Variants in AZIN2 observed in about 807,000 individuals in gnomAD.
AZIN2 encodes antizyme inhibitor 2, also known as ODC antizyme inhibitor-2.
In AZIN2, 28 loss-of-function variants were observed where a neutral mutation model predicts 47.8. The observed-to-expected ratio is 0.59, with a 90% CI of 0.43 to 0.80. The LOEUF is 0.80. Ranked by LOEUF, AZIN2 falls within the 30% of genes least tolerant of loss-of-function variation. The probability of loss-of-function intolerance (pLI) is 0.00; values close to 1 mark genes in which losing one functional copy is unlikely to be tolerated. For synonymous variants in AZIN2, 221 were observed against 239.4 expected (o/e 0.92, Z 0.71); for missense variants, 535 against 582.5 (o/e 0.92, Z 0.84).
At position 33,095,964 on chromosome 1, in the gene AZIN2, A is replaced by G. The variant is rs372762796; in HGVS notation, c.754-743A>G. Among the ~76,000 whole-genome samples, 42 of 152,174 alleles carry G rather than the reference A, an allele frequency of 2.8e-4. No homozygotes were observed. The South Asian group carries it at 4.2e-3, about 15-fold the overall frequency. On this transcript the variant is annotated intron_variant, in intron 8 of 11. Coordinates refer to ENST00000294517, the MANE Select transcript of AZIN2 (RefSeq NM_052998.4). Reference sequence around the variant, plus strand: ...GAGATTCTCGTGTCTCAGCCTCCCAAGTAGCTAGGATTACAGGTGCAAGCC... The same window carrying G: ...GAGATTCTCGTGTCTCAGCCTCCCAGGTAGCTAGGATTACAGGTGCAAGCC...
rs1644771511 is a variant in AZIN2 at position 33,120,505 on chromosome 1, T to A, written c.*323T>A. On this transcript the variant is annotated 3_prime_UTR_variant, in exon 12 of 12. Coordinates refer to ENST00000294517, the MANE Select transcript of AZIN2 (RefSeq NM_052998.4). ...CCTTTGTAAATATAATGCAAATAAATAAATATTTAGGTTTTTAAAAACTGC... is the reference window on the plus strand; with the variant it reads ...CCTTTGTAAATATAATGCAAATAAAAAAATATTTAGGTTTTTAAAAACTGC... 1 of 263,952 alleles carries A rather than the reference T, an allele frequency of 3.8e-6. No homozygotes were observed. The highest frequency in any genetic ancestry group is 9.7e-5 in the South Asian group (1 of 10,346). 16.4% of individuals were successfully genotyped at this position (263,952 alleles called of 1,614,324 possible).
In AZIN2 at chr1:33,101,789, T is replaced by C. The variant is rs747318210; in HGVS notation, c.1029+3610T>C. On this transcript the variant is annotated intron_variant, in intron 10 of 11. Coordinates refer to ENST00000294517, the MANE Select transcript of AZIN2 (RefSeq NM_052998.4). Reference sequence around the variant, plus strand: ...TTTTTTGCTTTATAAAAAGGTATTTTGATGCATGTAACCTGTTTGGGCTTT... The same window carrying C: ...TTTTTTGCTTTATAAAAAGGTATTTCGATGCATGTAACCTGTTTGGGCTTT... 87 of 760,194 alleles carry C rather than the reference T, an allele frequency of 1.1e-4. No individual in the cohort carries two copies. In the South Asian group the frequency reaches 1.2e-3, roughly 11 times the overall value. The allele number at this position is 760,194 out of a possible 1,614,324, so 47.1% of individuals were successfully genotyped here.
chr1:33,093,322 A>G lies in AZIN2; in HGVS notation c.493A>G (p.Ser165Gly). 1 of 1,614,074 alleles carries G rather than the reference A, an allele frequency of 6.2e-7. No homozygotes were observed. Among genetic ancestry groups the G allele is most frequent in the Non-Finnish European group, 8.5e-7 (1 of 1,179,974 alleles). The change falls in exon 7 of 12, where the codon AGC becomes GGC. Residue 165 changes from serine to glycine, a missense_variant. Physicochemically the swap from Ser to Gly is moderately conservative, Grantham distance 56. This residue lies in a region of AZIN2 where 409 missense variants were observed against 429.0 expected (regional missense o/e 0.95). Transcript: ENST00000294517. ...CIATDDSHSLSCLSLKFGVSL... is the reference protein window; with the variant it reads ...CIATDDSHSLGCLSLKFGVSL... Reference sequence around the variant, plus strand: ...TGCTACCGATGACTCCCACTCCCTGAGCTGCCTGAGCCTAAAGTTTGGAGT... The same window carrying G: ...TGCTACCGATGACTCCCACTCCCTGGGCTGCCTGAGCCTAAAGTTTGGAGT...
At chr1:33,133,563 A>G in the AZIN2 span, among the ~76,000 whole-genome samples, 1 of 152,212 alleles carries the variant, frequency 6.6e-6, no homozygotes, top group African/African-American at 2.4e-5. Flanking sequence ...TGAGGAGAGC[A>G]GGGCCGGGAT....
the AZIN2 span, among the ~76,000 whole-genome samples, chr1:33,130,598 C>T: frequency 1.3e-5 from 2 of 152,354 alleles, no homozygotes; most frequent in Admixed American, 6.5e-5. Context: ...CCAGCCAACA[C>T]CTGATTGCAG....
At chr1:33,127,188 A>G (rs1205295005), downstream of AZIN2, among the ~76,000 whole-genome samples, 2 of 152,386 alleles carry the variant, frequency 1.3e-5, no homozygotes, top group East Asian at 1.9e-4. Flanking sequence ...TCATCTGAGC[A>G]TATGAGACTC....
chr1:33,099,464 C>T (rs1240944760), intron 10 of AZIN2, among the ~76,000 whole-genome samples: 2 of 152,352 alleles, frequency 1.3e-5, no homozygotes, highest in African/African-American at 4.8e-5. Context: ...TCCTACTGCA[C>T]TGAGAAGGGA....
At chr1:33,147,720 G>A in the AZIN2 span, 38 of 1,609,550 alleles carry the variant, frequency 2.4e-5, no homozygotes, top group African/African-American at 4.0e-5. The surrounding 1 kb of genome is among the most constrained non-coding windows in gnomAD (Gnocchi z 8.1). Flanking sequence ...GGGTTAGGGC[G>A]GCTGGCACTG....
At chr1:33,143,397 A>G in the AZIN2 span, among the ~76,000 whole-genome samples, 2 of 152,186 alleles carry the variant, frequency 1.3e-5, no homozygotes, top group Non-Finnish European at 2.9e-5. Context: ...AGACAGATCC[A>G]CTGAGCCAAA....
rs776904934 is a variant in AZIN2 at position 33,093,245 on chromosome 1, G to A, written c.453-37G>A. 7.4e-6 allele frequency: 12 copies of A among 1,611,284 alleles called. No individual in the cohort carries two copies. The Admixed American group carries it at 1.8e-4, about 25-fold the overall frequency. On this transcript the variant is annotated intron_variant, in intron 6 of 11. Coordinates refer to ENST00000294517, the MANE Select transcript of AZIN2 (RefSeq NM_052998.4). ...AGATGTGGCTGGGGTGGGGCGACAG[G>A]GTTTGTCCAGCAGAGGGGCACTGCG...
the AZIN2 span, among the ~76,000 whole-genome samples, chr1:33,132,491 G>T: frequency 6.6e-6 from 1 of 152,166 alleles, no homozygotes; most frequent in Non-Finnish European, 1.5e-5. Flanking sequence ...CCTCTGCCTG[G>T]ACTATCCTTT....
chr1:33,089,829 C>CAAAA (rs1642333688), intron 5 of AZIN2, among the ~76,000 whole-genome samples: 1 of 152,192 alleles, frequency 6.6e-6, no homozygotes, highest in Non-Finnish European at 1.5e-5. Flanking sequence ...AAATTAGACT[C>CAAAA]TTATTACAAA....
At chr1:33,103,885 CT>C (rs890267074) in intron 10 of AZIN2, among the ~76,000 whole-genome samples, 697 of 142,614 alleles carry the variant, frequency 4.9e-3, no homozygotes, top group Middle Eastern at 7.1e-3. Context: ...TTAAATAGAT[CT>C]TTTTTTTTTT....
At chr1:33,098,216 T>C in intron 10 of AZIN2, 37 bp downstream of exon 10, 1 of 1,413,590 alleles carries the variant, frequency 7.1e-7, no homozygotes, top group Non-Finnish European at 9.8e-7. Flanking sequence ...TTCAGTTGTG[T>C]GTGTGTATTT....
chr1:33,121,068 C>T lies in AZIN2; in HGVS notation c.*886C>T, dbSNP rs936280573. Reference sequence around the variant, plus strand: ...CCAGTGCCGACAGCCCTGGCATCCCCTGAGACTGGCAGTGCTTATCAGGAC... The same window carrying T: ...CCAGTGCCGACAGCCCTGGCATCCCTTGAGACTGGCAGTGCTTATCAGGAC... On this transcript the variant is annotated 3_prime_UTR_variant, in exon 12 of 12. Coordinates refer to ENST00000294517, the MANE Select transcript of AZIN2 (RefSeq NM_052998.4). Among the ~76,000 whole-genome samples, 22 of 152,184 alleles carry T rather than the reference C, an allele frequency of 1.4e-4. No individual in the cohort carries two copies. Among genetic ancestry groups the T allele is most frequent in the Non-Finnish European group, 2.9e-5 (2 of 68,032 alleles).
intron 10 of AZIN2, among the ~76,000 whole-genome samples, chr1:33,107,416 CT>C (rs1644066101): frequency 6.6e-6 from 1 of 152,058 alleles, no homozygotes; most frequent in Admixed American, 6.5e-5. Flanking sequence ...CCTGTCTCTA[CT>C]AAAAATGCAG....
intron 10 of AZIN2, among the ~76,000 whole-genome samples, chr1:33,105,656 A>G (rs1436600574): frequency 2.0e-5 from 3 of 152,156 alleles, no homozygotes; most frequent in African/African-American, 4.8e-5. Context: ...CCATGATCCA[A>G]TCACCTCCCA....
chr1:33,132,883 C>T, the AZIN2 span, among the ~76,000 whole-genome samples: 1 of 152,232 alleles, frequency 6.6e-6, no homozygotes, highest in African/African-American at 2.4e-5. Flanking sequence ...TGAGAGGCAC[C>T]TCCTGTAACT....
chr1:33,161,578 C>G, the AZIN2 span, among the ~76,000 whole-genome samples: 14 of 152,076 alleles, frequency 9.2e-5, no homozygotes, highest in African/African-American at 3.4e-4. The surrounding 1 kb of genome is among the most constrained non-coding windows in gnomAD (Gnocchi z 4.3). Context: ...ACCCAGAACG[C>G]CAGGCAGACA....
Sources: gnomAD v4.1 joint callset for allele counts (sites outside exome capture counted in the v4.1 genomes callset) on GRCh38, gnomAD v4.1.1 for gene constraint, gnomAD v4.1.1 regional missense constraint, Gnocchi (gnomAD v3.1) non-coding constraint, MANE v1.5 for transcripts, NCBI Gene and HGNC (gene_info 2026-07-23, HGNC 2026-07-21) for gene names.